The following THSD7B variants were observed in gnomAD, a reference collection of about 807,000 sequenced individuals.
The protein encoded by THSD7B is thrombospondin type-1 domain-containing protein 7B.
A neutral mutation model predicts 213.6 loss-of-function variants in THSD7B; 138 were observed. The observed-to-expected ratio is 0.65, with a 90% confidence interval of 0.56 to 0.74. The LOEUF (loss-of-function observed/expected upper bound fraction) is 0.74, where lower values mean the gene tolerates loss of function less well. Ranked by LOEUF, THSD7B falls within the 30% of genes least tolerant of loss-of-function variation. The probability of loss-of-function intolerance (pLI) is 0.00; values close to 1 mark genes in which losing one functional copy is unlikely to be tolerated. For missense variants in THSD7B, 1,931 were observed against 1,991.5 expected (o/e 0.97, Z 0.58); for synonymous variants, 742 against 687.0 (o/e 1.08, Z -1.25).
intron 7 of THSD7B, among the ~76,000 whole-genome samples, chr2:137,218,884 G>A (rs187328209): frequency 1.3e-5 from 2 of 151,972 alleles, no homozygotes; most frequent in African/African-American, 4.8e-5. Context: ...TCTGTTTGGA[G>A]CACAAAACTT....
Position 136,993,823 on chromosome 2 carries a change from T to C in THSD7B, c.140-62597T>C, listed in dbSNP as rs182257142. Among the ~76,000 whole-genome samples, 1,003 of 137,140 alleles carry C rather than the reference T, an allele frequency of 7.3e-3. 10 individuals are homozygous for C. Among genetic ancestry groups the C allele is most frequent in the African/African-American group, 0.026 (931 of 35,350 alleles). 90.0% of individuals were successfully genotyped at this position (137,140 alleles called of 152,430 possible). ...TGACCCATGGCCAAAGGTGGGGTCA[T>C]GTGTGTCTGTGTCTGCGTGCATGTG... On this transcript the variant is annotated intron_variant, in intron 2 of 27. Coordinates refer to ENST00000409968, the MANE Select transcript of THSD7B (RefSeq NM_001316349.2).
chr2:137,245,868 T>G (rs552017241), intron 10 of THSD7B, among the ~76,000 whole-genome samples: 2 of 152,094 alleles, frequency 1.3e-5, no homozygotes, highest in Non-Finnish European at 2.9e-5. Flanking sequence ...TTCTCAAACT[T>G]GAATGTGCAT....
At chr2:137,340,377 T>C (rs954121557) in intron 12 of THSD7B, among the ~76,000 whole-genome samples, 1 of 151,900 alleles carries the variant, frequency 6.6e-6, no homozygotes, top group Non-Finnish European at 1.5e-5. Context: ...GATGTTATGA[T>C]TTATGAATAC....
intron 2 of THSD7B, among the ~76,000 whole-genome samples, chr2:136,945,873 A>G (rs953589742): frequency 2.0e-5 from 3 of 152,106 alleles, no homozygotes; most frequent in African/African-American, 7.2e-5. Context: ...CCATTTGTCT[A>G]ATCTTTTTAG....
intron 10 of THSD7B, among the ~76,000 whole-genome samples, chr2:137,252,911 C>CT (rs754932566): frequency 0.11 from 9,044 of 80,626 alleles, 852 homozygotes; most frequent in African/African-American, 0.26. Flanking sequence ...AAAAGGCTTG[C>CT]TTTTTTTTTT....
chr2:136,971,671 C>CACACACACACAA (rs1553461531), intron 2 of THSD7B, among the ~76,000 whole-genome samples: 2 of 148,330 alleles, frequency 1.3e-5, no homozygotes, highest in Non-Finnish European at 1.5e-5. Context: ...CACACACACA[C>CACACACACACAA]GATATGTATA....
At chr2:137,128,555 G>C (rs903148680) in intron 5 of THSD7B, among the ~76,000 whole-genome samples, 1 of 152,124 alleles carries the variant, frequency 6.6e-6, no homozygotes, top group Non-Finnish European at 1.5e-5. Context: ...GGGAAAATTA[G>C]GAAAGATTGA....
rs1318462875 is a variant in THSD7B, at chr2:137,568,057, A to G, written c.3273-4349A>G. On this transcript the variant is annotated intron_variant, in intron 16 of 27. Coordinates refer to ENST00000409968, the MANE Select transcript of THSD7B (RefSeq NM_001316349.2). ...GTTACTCAAGAAGACATAGTAATCA[A>G]TTGTTTCAAAGGCTTTTTGGTTTAC... 5.3e-5 allele frequency among the ~76,000 whole-genome samples: 8 copies of G among 152,302 alleles called. No homozygotes were observed. In the East Asian group the frequency reaches 9.6e-4, roughly 18 times the overall value.
intron 15 of THSD7B, among the ~76,000 whole-genome samples, chr2:137,495,885 CT>C (rs1404928622): frequency 5.9e-5 from 9 of 152,274 alleles, no homozygotes; most frequent in Admixed American, 2.0e-4. Context: ...TTCTACCCCC[CT>C]GGCAAGCCCG....
At chr2:137,284,775 G>A (rs578098052) in intron 12 of THSD7B, among the ~76,000 whole-genome samples, 1 of 151,974 alleles carries the variant, frequency 6.6e-6, no homozygotes. Context: ...TAGTTTGTTA[G>A]AATTTCTGTT....
At chr2:137,319,242 G>A (rs1573959091) in intron 12 of THSD7B, among the ~76,000 whole-genome samples, 2 of 147,498 alleles carry the variant, frequency 1.4e-5, no homozygotes, top group East Asian at 4.0e-4. Flanking sequence ...TTTTTTTGAA[G>A]GACATGTAAT....
At chr2:137,501,935 C>G (rs1417001878) in intron 15 of THSD7B, among the ~76,000 whole-genome samples, 1 of 152,148 alleles carries the variant, frequency 6.6e-6, no homozygotes, top group Non-Finnish European at 1.5e-5. Context: ...TGTGATCTGG[C>G]TAATGAATTA....
intron 15 of THSD7B, among the ~76,000 whole-genome samples, chr2:137,466,948 C>T (rs893240093): frequency 1.3e-5 from 2 of 152,024 alleles, no homozygotes; most frequent in Non-Finnish European, 2.9e-5. Flanking sequence ...AGAGTAGCCT[C>T]CTGAAGCAGC....
chr2:136,946,789 C>A (rs1422557162), intron 2 of THSD7B, among the ~76,000 whole-genome samples: 1 of 152,200 alleles, frequency 6.6e-6, no homozygotes, highest in Non-Finnish European at 1.5e-5. Context: ...ACCCACCGAG[C>A]CTTGCATAGG....
intron 2 of THSD7B, among the ~76,000 whole-genome samples, chr2:136,909,541 C>T (rs1022620342): frequency 3.9e-5 from 6 of 151,984 alleles, no homozygotes; most frequent in East Asian, 1.9e-4. Context: ...TCAATAAATG[C>T]GTAGTGAGCA....
rs1230632464 is a variant in THSD7B, at chr2:137,313,189, TC to T, written c.2500+37165del. Among the ~76,000 whole-genome samples, 2 of 152,184 alleles carry T rather than the reference TC, an allele frequency of 1.3e-5. 1 individual carries two copies. Among genetic ancestry groups the T allele is most frequent in the Non-Finnish European group, 2.9e-5 (2 of 68,020 alleles). ...GGACTTGCTTTATGAATCTGGGTGC[TC>T]CTGTATTGGATGCATATATATTTAG... is the stretch of plus-strand genomic sequence containing the variant. On this transcript the variant is annotated intron_variant, in intron 12 of 27. Coordinates refer to ENST00000409968, the MANE Select transcript of THSD7B (RefSeq NM_001316349.2).
intron 1 of THSD7B, among the ~76,000 whole-genome samples, chr2:136,847,130 G>A (rs1683024394): frequency 6.6e-6 from 1 of 152,124 alleles, no homozygotes; most frequent in African/African-American, 2.4e-5. Context: ...GAATTGCTTT[G>A]ATTTGGAATA....
chr2:136,809,694 C>A (rs1573648514), intron 1 of THSD7B, among the ~76,000 whole-genome samples: 2 of 152,052 alleles, frequency 1.3e-5, no homozygotes, highest in Non-Finnish European at 2.9e-5. Context: ...TTGGGAATGG[C>A]ATGATTTGTC....
intron 1 of THSD7B, among the ~76,000 whole-genome samples, chr2:136,835,805 T>A (rs1242075081): frequency 2.6e-5 from 4 of 152,192 alleles, no homozygotes; most frequent in African/African-American, 9.6e-5. Flanking sequence ...GAGAAACTGG[T>A]ACACATTTGA....
Sources: allele counts gnomAD v4.1 joint callset (sites outside exome capture counted in the v4.1 genomes callset), GRCh38; gene constraint gnomAD v4.1.1; transcripts MANE v1.5; gene names NCBI Gene and HGNC (gene_info 2026-07-23, HGNC 2026-07-21).